The following KATNIP variants were observed in gnomAD, a reference collection of about 807,000 sequenced individuals.
The protein encoded by KATNIP is katanin-interacting protein.
In KATNIP, 126 loss-of-function variants were observed where a neutral mutation model predicts 174.0. The observed-to-expected ratio is 0.72, with a 90% CI of 0.63 to 0.84. The LOEUF (loss-of-function observed/expected upper bound fraction) is 0.84. Ranked by LOEUF, KATNIP falls within the 40% of genes least tolerant of loss-of-function variation. KATNIP has a pLI of 0.00. For missense variants in KATNIP, 1,958 were observed against 2,109.7 expected (o/e 0.93, Z 1.41); for synonymous variants, 810 against 835.7 (o/e 0.97, Z 0.53).
At chr16:27,564,471 G>A (rs1426243247) in intron 1 of KATNIP, among the ~76,000 whole-genome samples, 3 of 152,100 alleles carry the variant, frequency 2.0e-5, no homozygotes, top group Admixed American at 2.0e-4. Flanking sequence ...GCAAATGCGC[G>A]TTAACGGTGT....
Position 27,766,362 on chromosome 16 carries a change from C to T in KATNIP, c.3863C>T (p.Pro1288Leu). The T allele has an allele frequency of 6.2e-7, 1 of 1,614,206 alleles. No homozygotes were observed. The highest frequency in any genetic ancestry group is 8.5e-7 in the Non-Finnish European group (1 of 1,180,042). Residue 1288 changes from proline (P) to leucine (L), a missense_variant, in exon 20 of 28, where the codon CCC (proline) becomes CTC (leucine). Pro to Leu is a moderately conservative substitution (Grantham distance 98). Around this residue, in one of 3 missense-constraint regions of KATNIP, gnomAD observed 383 missense variants for 456.0 expected, o/e 0.84. Coordinates refer to ENST00000261588, the MANE Select transcript of KATNIP (RefSeq NM_015202.5). ...GAGGATGAGCATATGTGGCTGATCC[C>T]CTTCTCGCCGGGGCTGGACCATGTG... ...TMEDEHMWLIPFSPGLDHVVT... is the reference protein window; with the variant it reads ...TMEDEHMWLILFSPGLDHVVT...
In KATNIP at chr16:27,661,967, T is replaced by C. The variant is rs1268658137; in HGVS notation, c.540+13232T>C. Among the ~76,000 whole-genome samples the C allele has an allele frequency of 2.1e-4, 11 of 51,774 alleles. 2 individuals are homozygous for C. The highest frequency in any genetic ancestry group is 8.0e-4 in the African/African-American group (8 of 9,938). 34.0% of individuals were successfully genotyped at this position (51,774 alleles called of 152,430 possible). On this transcript the variant is annotated intron_variant, in intron 6 of 27. Coordinates refer to ENST00000261588, the MANE Select transcript of KATNIP (RefSeq NM_015202.5). ...ATATATATATATATACACATACATATATATATATATATATATATACACATA... is the reference window on the plus strand; with the variant it reads ...ATATATATATATATACACATACATACATATATATATATATATATACACATA...
At chr16:27,564,025 CT>C (rs2089994015) in intron 1 of KATNIP, among the ~76,000 whole-genome samples, 1 of 151,334 alleles carries the variant, frequency 6.6e-6, no homozygotes, top group South Asian at 2.1e-4. Flanking sequence ...ATCATGCCCA[CT>C]GCACTCCAGC....
At position 27,740,500 on chromosome 16, in the gene KATNIP, C is replaced by A. The variant is rs1458376844; in HGVS notation, c.2203C>A (p.Gln735Lys). 3.1e-6 allele frequency: 5 copies of A among 1,614,084 alleles called. No homozygotes were observed. Among genetic ancestry groups the A allele is most frequent in the Non-Finnish European group, 4.2e-6 (5 of 1,180,050 alleles). Residue 735 changes from glutamine to lysine, a missense_variant, in exon 15 of 28, where the codon CAA (glutamine) becomes AAA (lysine). This residue lies in a region of KATNIP where 1,557 missense variants were observed against 1,617.8 expected (regional missense o/e 0.96). Coordinates refer to ENST00000261588, the MANE Select transcript of KATNIP (RefSeq NM_015202.5). Reference protein sequence around the residue: ...PVHEEPSLIQQLENLMGRKIC... With the variant: ...PVHEEPSLIQKLENLMGRKIC... ...CCATGAGGAGCCCTCTCTCATCCAA[C>A]AACTGGAAAACCTCATGGGCAGAAA...
intron 2 of KATNIP, among the ~76,000 whole-genome samples, chr16:27,605,840 C>T (rs1409656362): frequency 2.0e-5 from 3 of 152,072 alleles, no homozygotes; most frequent in Admixed American, 6.6e-5. Flanking sequence ...CAGTCAAAAG[C>T]AGGCTCAGGT....
At chr16:27,699,711 C>A in intron 10 of KATNIP, 112 bp downstream of exon 10, 1 of 1,432,330 alleles carries the variant, frequency 7.0e-7, no homozygotes, top group Non-Finnish European at 9.5e-7. Context: ...CACCTGATGG[C>A]CTCCAGGGCG....
intron 11 of KATNIP, among the ~76,000 whole-genome samples, chr16:27,701,977 A>G (rs6498033): frequency 6.6e-6 from 1 of 152,200 alleles, no homozygotes; most frequent in East Asian, 1.9e-4. Flanking sequence ...ACTTTTTTGT[A>G]GAGGGGGTCT....
chr16:27,752,051 C>A, intron 17 of KATNIP, 127 bp downstream of exon 17: 1 of 605,190 alleles, frequency 1.7e-6, no homozygotes, highest in Non-Finnish European at 2.6e-6. Flanking sequence ...TGACATTTCC[C>A]ATCTTTCTAC....
intron 14 of KATNIP, among the ~76,000 whole-genome samples, chr16:27,724,824 G>C (rs964379844): frequency 6.6e-6 from 1 of 152,214 alleles, no homozygotes; most frequent in African/African-American, 2.4e-5. Context: ...CTTGTTAATA[G>C]TGTTTTGTGT....
intron 2 of KATNIP, among the ~76,000 whole-genome samples, chr16:27,601,296 C>A (rs939981166): frequency 1.3e-5 from 2 of 152,084 alleles, no homozygotes; most frequent in African/African-American, 4.8e-5. Flanking sequence ...TGTAAATGAA[C>A]AGAGATACTT....
At chr16:27,555,446 G>C (rs954456636) in intron 1 of KATNIP, among the ~76,000 whole-genome samples, 3 of 152,162 alleles carry the variant, frequency 2.0e-5, no homozygotes, top group Non-Finnish European at 4.4e-5. Flanking sequence ...TGACCTCTCT[G>C]AGCCTTGGTT....
At chr16:27,697,804 A>ATG (rs917178298) in intron 8 of KATNIP, among the ~76,000 whole-genome samples, 1 of 151,890 alleles carries the variant, frequency 6.6e-6, no homozygotes, top group Non-Finnish European at 1.5e-5. Context: ...GCATGTGCAT[A>ATG]TGTGTGTGTG....
intron 19 of KATNIP, among the ~76,000 whole-genome samples, chr16:27,764,382 T>C (rs2082058766): frequency 6.6e-6 from 1 of 152,254 alleles, no homozygotes; most frequent in African/African-American, 2.4e-5. Context: ...TCCTGATTGA[T>C]GTTTAAATCA....
At chr16:27,552,192 C>T (rs952502084) in intron 1 of KATNIP, among the ~76,000 whole-genome samples, 3 of 152,126 alleles carry the variant, frequency 2.0e-5, no homozygotes, top group African/African-American at 7.2e-5. Flanking sequence ...AAACTACTCT[C>T]ATTTCTGCTT....
intron 15 of KATNIP, among the ~76,000 whole-genome samples, chr16:27,744,154 C>T (rs1337499326): frequency 4.6e-5 from 7 of 152,130 alleles, no homozygotes; most frequent in South Asian, 2.1e-4. Flanking sequence ...AGGTACAGGC[C>T]AGCCTACCAA....
At chr16:27,770,068 G>A (rs767593657) in intron 21 of KATNIP, 50 bp downstream of exon 21, 58 of 1,588,366 alleles carry the variant, frequency 3.7e-5, no homozygotes, top group Admixed American at 5.1e-5. Flanking sequence ...CCCTGGGCCC[G>A]CTTGCTTTGC....
In KATNIP at chr16:27,777,852, C is replaced by G. The variant is rs149678593; in HGVS notation, c.4713-29C>G. 3.3e-5 allele frequency: 54 copies of G among 1,613,184 alleles called. No homozygotes were observed. The highest frequency in any genetic ancestry group is 2.7e-5 in the Non-Finnish European group (32 of 1,179,238). ...TGGGACACACGGCCAGGAGCCTGAT[C>G]GAATCTTGTGTTTCCTTCCTACCCT... On this transcript the variant is annotated intron_variant, in intron 26 of 27. Coordinates refer to ENST00000261588, the MANE Select transcript of KATNIP (RefSeq NM_015202.5). This position sits in a 1 kb window ranked among gnomAD's most constrained non-coding sequence, Gnocchi z 4.4.
chr16:27,660,433 C>A (rs2077435802), intron 6 of KATNIP, among the ~76,000 whole-genome samples: 1 of 152,118 alleles, frequency 6.6e-6, no homozygotes, highest in African/African-American at 2.4e-5. Context: ...CCTGTAATCC[C>A]AGCTACTCAG....
chr16:27,752,454 A>G (rs2081557207), intron 17 of KATNIP, among the ~76,000 whole-genome samples: 1 of 152,260 alleles, frequency 6.6e-6, no homozygotes, highest in African/African-American at 2.4e-5. Flanking sequence ...CAGAGAAGTC[A>G]AGTGACTTGC....
Sources: allele counts gnomAD v4.1 joint callset (sites outside exome capture counted in the v4.1 genomes callset), GRCh38; gene constraint gnomAD v4.1.1; regional missense constraint gnomAD v4.1.1; non-coding constraint Gnocchi (gnomAD v3.1); transcripts MANE v1.5; gene names NCBI Gene and HGNC (gene_info 2026-07-23, HGNC 2026-07-21).